The following PRP4K variants were observed in gnomAD, a reference collection of about 807,000 sequenced individuals.
PRP4K encodes pre-mRNA processing factor kinase PRP4K.
At chr6:4,042,638 A>G in the PRP4K span, 5 of 1,214,692 alleles carry the variant, frequency 4.1e-6, no homozygotes, top group African/African-American at 1.5e-5. Flanking sequence ...AAAATGTAGC[A>G]TTAATAACAG....
chr6:4,052,896 G>A, the PRP4K span: 67 of 1,581,908 alleles, frequency 4.2e-5, no homozygotes, highest in Middle Eastern at 5.0e-4. Context: ...GCCAAGCTGC[G>A]CTGTACATCT....
At chr6:4,048,953 A>G in the PRP4K span, 1 of 1,179,412 alleles carries the variant, frequency 8.5e-7, no homozygotes. Flanking sequence ...TTTGTGTTTT[A>G]AAGGAAGTGC....
the PRP4K span, chr6:4,021,322 G>T: frequency 2.7e-6 from 4 of 1,477,096 alleles, no homozygotes; most frequent in Admixed American, 2.0e-5. Flanking sequence ...TTCCCTACAC[G>T]GTCGGCACAT....
the PRP4K span, among the ~76,000 whole-genome samples, chr6:4,022,661 C>T: frequency 1.3e-5 from 2 of 152,058 alleles, no homozygotes; most frequent in African/African-American, 2.4e-5. Context: ...GGCAGAGAAA[C>T]GGAATTTTTA....
the PRP4K span, among the ~76,000 whole-genome samples, chr6:4,046,711 G>A: frequency 2.3e-4 from 34 of 150,212 alleles, 1 homozygote; most frequent in African/African-American, 7.9e-4. Flanking sequence ...CAGGTGGAGT[G>A]CAGTGGCGTG....
At chr6:4,039,186 A>G in the PRP4K span, among the ~76,000 whole-genome samples, 1 of 152,132 alleles carries the variant, frequency 6.6e-6, no homozygotes, top group Non-Finnish European at 1.5e-5. Flanking sequence ...TTCTGAGTTA[A>G]TATTTAGGTA....
the PRP4K span, chr6:4,042,610 GA>G: frequency 6.6e-7 from 1 of 1,522,440 alleles, no homozygotes; most frequent in Non-Finnish European, 8.9e-7. Context: ...TGTAGTAAAA[GA>G]TTTTTTTGCT....
the PRP4K span, chr6:4,037,648 C>G: frequency 7.3e-7 from 1 of 1,364,720 alleles, no homozygotes; most frequent in African/African-American, 1.5e-5. Flanking sequence ...GGTAGGTTTT[C>G]TTTTAGACCA....
chr6:4,064,930 C>T, the PRP4K span: 1 of 152,552 alleles, frequency 6.6e-6, no homozygotes, highest in Non-Finnish European at 1.5e-5. Flanking sequence ...TTTAGCAGTG[C>T]ATGTTTCTAA....
At chr6:4,047,391 G>A in the PRP4K span, 7 of 738,658 alleles carry the variant, frequency 9.5e-6, no homozygotes, top group South Asian at 1.4e-4. Context: ...AACTCTACTA[G>A]TTTTGCATCT....
chr6:4,064,646 C>T, the PRP4K span: 1 of 152,446 alleles, frequency 6.6e-6, no homozygotes, highest in Non-Finnish European at 1.5e-5. Context: ...TTATCATTCT[C>T]CTCCTAATGG....
At chr6:4,021,303 A>G in the PRP4K span, 4 of 1,344,856 alleles carry the variant, frequency 3.0e-6, no homozygotes, top group Non-Finnish European at 4.1e-6. Context: ...CGGACTCAGA[A>G]CCCAGCTCTT....
At chr6:4,022,633 A>G in the PRP4K span, among the ~76,000 whole-genome samples, 4 of 152,196 alleles carry the variant, frequency 2.6e-5, no homozygotes, top group African/African-American at 9.6e-5. Context: ...CTCCTCAATC[A>G]TCTGCATTAC....
the PRP4K span, chr6:4,047,150 A>G: frequency 1.7e-5 from 27 of 1,574,250 alleles, no homozygotes; most frequent in Non-Finnish European, 2.3e-5. Flanking sequence ...TCACTTTTCA[A>G]ACATTAATGC....
At chr6:4,032,504 C>T in the PRP4K span, 28 of 1,613,912 alleles carry the variant, frequency 1.7e-5, no homozygotes, top group Non-Finnish European at 2.3e-5. Context: ...TTAAATCTCC[C>T]TCTAAAGATG....
At chr6:4,028,514 T>G in the PRP4K span, among the ~76,000 whole-genome samples, 2 of 152,144 alleles carry the variant, frequency 1.3e-5, no homozygotes, top group African/African-American at 2.4e-5. Context: ...CCTGGTGGTG[T>G]TTTTATAATA....
At chr6:4,045,661 C>A in the PRP4K span, among the ~76,000 whole-genome samples, 1 of 152,166 alleles carries the variant, frequency 6.6e-6, no homozygotes, top group African/African-American at 2.4e-5. Context: ...AACATGATTA[C>A]AGATAGGTTA....
chr6:4,050,415 A>C, the PRP4K span: 1 of 520,396 alleles, frequency 1.9e-6, no homozygotes, highest in African/African-American at 1.9e-5. Flanking sequence ...AATTCAGTGC[A>C]TTTTAGTACC....
chr6:4,027,592 C>CGGGGGG, the PRP4K span, among the ~76,000 whole-genome samples: 47 of 7,780 alleles, frequency 6.0e-3, 1 homozygote, highest in Non-Finnish European at 9.4e-3. Flanking sequence ...GCTTATTTGG[C>CGGGGGG]GGAGGGGTGG....
Sources: allele counts gnomAD v4.1 joint callset (sites outside exome capture counted in the v4.1 genomes callset), GRCh38; gene constraint gnomAD v4.1.1; transcripts MANE v1.5; gene names NCBI Gene and HGNC (gene_info 2026-07-23, HGNC 2026-07-21).